Variants in XKR9 observed in about 807,000 individuals in gnomAD.
XKR9 encodes the protein XK-related protein 9.
A neutral mutation model predicts 32.0 loss-of-function variants in XKR9; 32 were observed. The ratio of observed to expected loss-of-function variants is 1.00; its 90% CI spans 0.76 to 1.34. XKR9 has a LOEUF of 1.34. XKR9 is among the 40% of genes most tolerant of loss of function. XKR9 has a pLI of 0.00. For synonymous variants in XKR9, 168 were observed against 143.4 expected, an observed-to-expected ratio of 1.17 and a Z score of -1.22; for missense variants, 546 against 429.7, an observed-to-expected ratio of 1.27 and a Z score of -2.39.
At chr8:70,741,373 A>G (rs1396965925) in intron 2 of XKR9, among the ~76,000 whole-genome samples, 2 of 152,192 alleles carry the variant, frequency 1.3e-5, no homozygotes, top group African/African-American at 2.4e-5. Flanking sequence ...TGCTAGTGCT[A>G]TGCTCTTGGC....
At chr8:70,907,264 TCA>T in the XKR9 span, among the ~76,000 whole-genome samples, 1 of 152,348 alleles carries the variant, frequency 6.6e-6, no homozygotes, top group East Asian at 1.9e-4. Flanking sequence ...AGATATTTTC[TCA>T]GAGTCAGTAA....
the XKR9 span, among the ~76,000 whole-genome samples, chr8:71,013,633 A>G: frequency 6.6e-6 from 1 of 152,210 alleles, no homozygotes; most frequent in African/African-American, 2.4e-5. Context: ...GTTGATCGCC[A>G]CAGCTGCATG....
At chr8:71,012,029 T>C in the XKR9 span, among the ~76,000 whole-genome samples, 3 of 121,658 alleles carry the variant, frequency 2.5e-5, no homozygotes, top group East Asian at 3.9e-4. Flanking sequence ...TTGTCATCTA[T>C]AGGGGGAAAA....
intron 3 of XKR9, among the ~76,000 whole-genome samples, chr8:70,690,500 GTTTTTT>G (rs71566233): frequency 7.1e-6 from 1 of 140,792 alleles, no homozygotes; most frequent in Non-Finnish European, 1.5e-5. Context: ...TGCCCAGCTA[GTTTTTT>G]TTTTTTTTTG....
chr8:70,749,596 C>T (rs1473120481), intron 2 of XKR9, among the ~76,000 whole-genome samples: 1 of 152,248 alleles, frequency 6.6e-6, no homozygotes, highest in Non-Finnish European at 1.5e-5. Context: ...TGCACAGTGG[C>T]TGGACCCATG....
At chr8:70,738,775 T>C (rs979446215), downstream of XKR9, among the ~76,000 whole-genome samples, 21 of 152,084 alleles carry the variant, frequency 1.4e-4, no homozygotes, top group African/African-American at 5.1e-4. Flanking sequence ...TGTAGTTGAG[T>C]GGTTTTGAGT....
chr8:70,740,162 C>G (rs748741820), downstream of XKR9, among the ~76,000 whole-genome samples: 78 of 152,086 alleles, frequency 5.1e-4, no homozygotes, highest in Non-Finnish European at 9.8e-4. Context: ...AGGCTTTGTT[C>G]GTTTCTTTTT....
chr8:70,839,305 A>C, the XKR9 span, among the ~76,000 whole-genome samples: 6 of 152,112 alleles, frequency 3.9e-5, no homozygotes, highest in Non-Finnish European at 8.8e-5. Flanking sequence ...AATTTCACTA[A>C]AAAAGAGCAC....
chr8:70,981,286 T>A, the XKR9 span, among the ~76,000 whole-genome samples: 6 of 152,292 alleles, frequency 3.9e-5, no homozygotes, highest in South Asian at 2.1e-4. Flanking sequence ...TATTCTTAGG[T>A]TTGGATGTGT....
the XKR9 span, among the ~76,000 whole-genome samples, chr8:71,012,294 G>A: frequency 3.3e-5 from 5 of 152,124 alleles, no homozygotes; most frequent in Admixed American, 3.3e-4. Context: ...GAAAAATTAT[G>A]GGTAAGAGGG....
chr8:70,859,198 A>G, the XKR9 span, among the ~76,000 whole-genome samples: 1 of 152,134 alleles, frequency 6.6e-6, no homozygotes, highest in African/African-American at 2.4e-5. Flanking sequence ...AAAAATCTAA[A>G]TAGATATTTC....
intron 4 of XKR9, among the ~76,000 whole-genome samples, chr8:70,708,623 A>C (rs1805805571): frequency 6.6e-6 from 1 of 152,150 alleles, no homozygotes; most frequent in African/African-American, 2.4e-5. Context: ...AAGGTTACAA[A>C]GAGATTATTA....
downstream of XKR9, among the ~76,000 whole-genome samples, chr8:70,791,996 T>A (rs1290674317): frequency 6.6e-6 from 1 of 151,914 alleles, no homozygotes; most frequent in Non-Finnish European, 1.5e-5. Context: ...TTTGAGGGAG[T>A]CCCTGTTTTC....
the XKR9 span, among the ~76,000 whole-genome samples, chr8:71,020,043 C>G: frequency 6.6e-6 from 1 of 152,030 alleles, no homozygotes; most frequent in African/African-American, 2.4e-5. Context: ...CACTGAATGC[C>G]AAACATGTGC....
downstream of XKR9, among the ~76,000 whole-genome samples, chr8:70,740,876 C>A (rs62530858): frequency 0.53 from 81,144 of 152,076 alleles, 22,662 homozygotes; most frequent in Middle Eastern, 0.62. Context: ...GTCTGCCCCT[C>A]CTGGGGGTTG....
the XKR9 span, among the ~76,000 whole-genome samples, chr8:71,039,662 G>C: frequency 6.6e-6 from 1 of 152,140 alleles, no homozygotes; most frequent in Admixed American, 6.5e-5. Flanking sequence ...TTTTTTAGTA[G>C]AGTGTTGCCA....
intron 4 of XKR9, among the ~76,000 whole-genome samples, chr8:70,727,665 T>C (rs1006882829): frequency 8.5e-5 from 13 of 152,220 alleles, no homozygotes; most frequent in African/African-American, 3.1e-4. Flanking sequence ...CCCAAAGTGC[T>C]GGGATTACAG....
At chr8:70,947,107 CA>C in the XKR9 span, among the ~76,000 whole-genome samples, 1 of 152,120 alleles carries the variant, frequency 6.6e-6, no homozygotes, top group Non-Finnish European at 1.5e-5. Context: ...TAAGACTTGG[CA>C]AAAAGCCCCT....
the XKR9 span, among the ~76,000 whole-genome samples, chr8:70,969,263 A>T: frequency 1.1e-4 from 17 of 152,280 alleles, no homozygotes; most frequent in African/African-American, 2.2e-4. Context: ...TATCCTTAAA[A>T]TTTTTTTTAA....
Sources: gnomAD v4.1 joint callset for allele counts (sites outside exome capture counted in the v4.1 genomes callset) on GRCh38, gnomAD v4.1.1 for gene constraint, MANE v1.5 for transcripts, NCBI Gene and HGNC (gene_info 2026-07-23, HGNC 2026-07-21) for gene names.